NDUFA10: variants seen among roughly 807,000 people sequenced by gnomAD.
NDUFA10 encodes the protein NADH:ubiquinone oxidoreductase subunit A10.
Under a neutral mutation model 47.8 loss-of-function variants are expected in NDUFA10, and 40 were observed. The observed-to-expected ratio is 0.84, with a 90% confidence interval of 0.65 to 1.09. The LOEUF (loss-of-function observed/expected upper bound fraction) is 1.09, where lower values mean the gene tolerates loss of function less well. Among genes scored for constraint, NDUFA10 ranks in the 50% least tolerant of loss-of-function variants. The pLI, the probability that NDUFA10 is intolerant of heterozygous loss-of-function variation, is 0.00. For synonymous variants in NDUFA10, 183 were observed against 172.2 expected (o/e 1.06, Z -0.49); for missense variants, 413 against 451.1 (o/e 0.92, Z 0.76).
At chr2:239,937,427 T>A (rs983513524) in intron 4 of NDUFA10, among the ~76,000 whole-genome samples, 2 of 152,214 alleles carry the variant, frequency 1.3e-5, no homozygotes, top group Non-Finnish European at 2.9e-5. Flanking sequence ...CTTCCTGAAT[T>A]TGCCAGTTCT....
chr2:239,900,810 G>A (rs1693530797), intron 4 of NDUFA10, among the ~76,000 whole-genome samples: 1 of 152,242 alleles, frequency 6.6e-6, no homozygotes, highest in Admixed American at 6.5e-5. Flanking sequence ...TAAAGCTAGA[G>A]AAGGAAATTG....
At chr2:239,901,733 G>A (rs895916799) in intron 4 of NDUFA10, among the ~76,000 whole-genome samples, 14 of 151,446 alleles carry the variant, frequency 9.2e-5, no homozygotes, top group African/African-American at 2.9e-4. Flanking sequence ...GAAAGGCTTC[G>A]TCATTCTAGA....
At chr2:239,972,030 C>T (rs1442097502) in intron 9 of NDUFA10, among the ~76,000 whole-genome samples, 2 of 152,092 alleles carry the variant, frequency 1.3e-5, no homozygotes, top group African/African-American at 2.4e-5. Flanking sequence ...CAGGTCCTTT[C>T]GTATGTAACT....
chr2:239,961,283 A>G, intron 9 of NDUFA10, 97 bp from the exon 10 acceptor site: 1 of 1,592,664 alleles, frequency 6.3e-7, no homozygotes, highest in Non-Finnish European at 8.6e-7. Context: ...CCTGTACTTC[A>G]TGAGTTCCTT....
At chr2:239,981,163 T>G (rs1190589781) in intron 9 of NDUFA10, among the ~76,000 whole-genome samples, 1 of 152,208 alleles carries the variant, frequency 6.6e-6, no homozygotes, top group Non-Finnish European at 1.5e-5. Context: ...ATACTTATAC[T>G]AAAATACTAG....
intron 4 of NDUFA10, among the ~76,000 whole-genome samples, chr2:239,938,512 T>C (rs1694306123): frequency 1.3e-5 from 2 of 152,330 alleles, no homozygotes; most frequent in South Asian, 4.1e-4. Flanking sequence ...GTGTGTGAGC[T>C]TCAGGATGCC....
intron 4 of NDUFA10, among the ~76,000 whole-genome samples, chr2:239,932,283 A>G (rs1377818295): frequency 6.6e-6 from 1 of 151,950 alleles, no homozygotes. Context: ...CTTGGCTGAA[A>G]CCCTTATTTT....
intron 8 of NDUFA10, among the ~76,000 whole-genome samples, chr2:240,000,358 T>C (rs1026444970): frequency 6.6e-6 from 1 of 152,076 alleles, no homozygotes; most frequent in Non-Finnish European, 1.5e-5. Flanking sequence ...CGACTCCAGG[T>C]AGGCCCAGGC....
chr2:239,998,878 T>C (rs1696591369), intron 8 of NDUFA10, among the ~76,000 whole-genome samples: 2 of 152,326 alleles, frequency 1.3e-5, no homozygotes, highest in South Asian at 2.1e-4. Flanking sequence ...TTTGTATTGA[T>C]CTGTCTGCGT....
chr2:239,947,856 G>A (rs755725333), intron 4 of NDUFA10, among the ~76,000 whole-genome samples: 3 of 152,220 alleles, frequency 2.0e-5, no homozygotes, highest in Non-Finnish European at 4.4e-5. Context: ...GAAAACGGGA[G>A]GCTCTGGTCC....
At chr2:240,005,047 G>T (rs1696890292) in intron 8 of NDUFA10, among the ~76,000 whole-genome samples, 163 bp downstream of exon 8, 1 of 152,204 alleles carries the variant, frequency 6.6e-6, no homozygotes, top group South Asian at 2.1e-4. Context: ...TTAAGTATCA[G>T]ACCAGGGGAT....
chr2:239,981,429 G>A (rs75231186), intron 9 of NDUFA10, among the ~76,000 whole-genome samples: 1 of 139,520 alleles, frequency 7.2e-6, no homozygotes, highest in Non-Finnish European at 1.6e-5. Context: ...TGTCTACAGA[G>A]AGAAGCAATG....
intron 9 of NDUFA10, among the ~76,000 whole-genome samples, chr2:239,961,907 C>A (rs11902883): frequency 0.065 from 9,864 of 152,218 alleles, 1,053 homozygotes; most frequent in African/African-American, 0.22. Flanking sequence ...GGCCCCACTT[C>A]TCCCACCATC....
chr2:239,965,041 G>A (rs2106399371), intron 9 of NDUFA10, among the ~76,000 whole-genome samples: 1 of 152,318 alleles, frequency 6.6e-6, no homozygotes, highest in African/African-American at 2.4e-5. Flanking sequence ...ACGCAGGTCT[G>A]TTCACAGCAG....
At chr2:239,971,710 G>A (rs544817928) in intron 9 of NDUFA10, among the ~76,000 whole-genome samples, 2 of 152,126 alleles carry the variant, frequency 1.3e-5, no homozygotes, top group Non-Finnish European at 2.9e-5. Flanking sequence ...GTGGAGCCCC[G>A]ATCTTTTAAT....
intron 9 of NDUFA10, among the ~76,000 whole-genome samples, chr2:239,978,801 A>G (rs1485183832): frequency 6.6e-6 from 1 of 152,200 alleles, no homozygotes; most frequent in East Asian, 1.9e-4. Flanking sequence ...GAGTCGCTAA[A>G]ATAAGGTCTA....
chr2:239,946,069 G>A (rs1290346603), intron 4 of NDUFA10, among the ~76,000 whole-genome samples: 1 of 152,236 alleles, frequency 6.6e-6, no homozygotes, highest in Non-Finnish European at 1.5e-5. Flanking sequence ...GTCCCTTGCA[G>A]GTTTCCAGAG....
chr2:239,977,636 C>A (rs1465703888), intron 9 of NDUFA10, among the ~76,000 whole-genome samples: 1 of 152,198 alleles, frequency 6.6e-6, no homozygotes, highest in African/African-American at 2.4e-5. Context: ...GATGTTCAAC[C>A]ATGTATATTT....
intron 8 of NDUFA10, among the ~76,000 whole-genome samples, chr2:240,004,656 T>A (rs927580327): frequency 6.6e-6 from 1 of 152,020 alleles, no homozygotes; most frequent in Non-Finnish European, 1.5e-5. Context: ...CTCCCCACAC[T>A]TTTTCTGGCC....
Sources: gnomAD v4.1 joint callset for allele counts (sites outside exome capture counted in the v4.1 genomes callset) on GRCh38, gnomAD v4.1.1 for gene constraint, MANE v1.5 for transcripts, NCBI Gene and HGNC (gene_info 2026-07-23, HGNC 2026-07-21) for gene names.